Variants in ERBB4 observed in about 807,000 individuals in gnomAD.
ERBB4 encodes the protein receptor tyrosine-protein kinase erbB-4.
ERBB4 carries 42 observed loss-of-function variants against 158.0 expected under a neutral mutation model. The observed-to-expected ratio is 0.27, with a 90% confidence interval of 0.21 to 0.34. The LOEUF (loss-of-function observed/expected upper bound fraction) is 0.34, where lower values mean the gene tolerates loss of function less well. Ranked by LOEUF, ERBB4 falls within the 10% of genes least tolerant of loss-of-function variation. The probability of loss-of-function intolerance (pLI) is 1.00; values close to 1 mark genes in which losing one functional copy is unlikely to be tolerated. For synonymous variants in ERBB4, 583 were observed against 558.7 expected (o/e 1.04, Z -0.61); for missense variants, 1,333 against 1,624.1 (o/e 0.82, Z 3.08).
chr2:212,100,142 T>C (rs1262853672), intron 2 of ERBB4, among the ~76,000 whole-genome samples: 2 of 152,218 alleles, frequency 1.3e-5, no homozygotes, highest in East Asian at 1.9e-4. Context: ...GCAGGATAAA[T>C]TGACCTCCTG....
intron 2 of ERBB4, among the ~76,000 whole-genome samples, chr2:211,958,244 G>A (rs1271496232): frequency 2.0e-5 from 3 of 152,056 alleles, no homozygotes; most frequent in Non-Finnish European, 4.4e-5. Context: ...TACTTATGAT[G>A]CTCTTAATAT....
chr2:211,820,230 G>A (rs1490097993), intron 3 of ERBB4, among the ~76,000 whole-genome samples: 1 of 151,892 alleles, frequency 6.6e-6, no homozygotes, highest in Non-Finnish European at 1.5e-5. Context: ...CTTAACAGCA[G>A]CAACAACTGA....
At chr2:211,833,843 T>C (rs2077277995) in intron 3 of ERBB4, among the ~76,000 whole-genome samples, 1 of 152,084 alleles carries the variant, frequency 6.6e-6, no homozygotes, top group Non-Finnish European at 1.5e-5. Flanking sequence ...TAAAGTATCC[T>C]TTTTAAAATG....
At chr2:211,646,673 T>C (rs1393195677) in intron 16 of ERBB4, among the ~76,000 whole-genome samples, 1 of 151,692 alleles carries the variant, frequency 6.6e-6, no homozygotes, top group Non-Finnish European at 1.5e-5. Flanking sequence ...TTGTTATATA[T>C]CAGCATTTTG....
chr2:211,650,114 G>T (rs2070929266), intron 16 of ERBB4, among the ~76,000 whole-genome samples: 1 of 151,798 alleles, frequency 6.6e-6, no homozygotes, highest in African/African-American at 2.4e-5. Context: ...TATTCCCCTA[G>T]TTAGATAGAA....
chr2:211,520,325 T>C (rs2066152649), intron 20 of ERBB4, among the ~76,000 whole-genome samples: 2 of 152,094 alleles, frequency 1.3e-5, no homozygotes, highest in Admixed American at 6.5e-5. Context: ...TTTTAATAAA[T>C]ATTTACAGTC....
At chr2:212,519,941 T>C (rs1294438770) in intron 1 of ERBB4, among the ~76,000 whole-genome samples, 4 of 151,990 alleles carry the variant, frequency 2.6e-5, no homozygotes, top group Non-Finnish European at 4.4e-5. Flanking sequence ...AAGAAAATGA[T>C]AAATGTTTGA....
At chr2:211,708,612 T>TTCTCTCTCTCTCTC (rs60948715) in intron 9 of ERBB4, among the ~76,000 whole-genome samples, 1 of 116,576 alleles carries the variant, frequency 8.6e-6, no homozygotes, top group Non-Finnish European at 2.0e-5. Context: ...GTTTCCATCC[T>TTCTCTCTCTCTCTC]TCTCTCTCTC....
intron 15 of ERBB4, among the ~76,000 whole-genome samples, chr2:211,665,027 C>T (rs1411134753): frequency 6.6e-6 from 1 of 152,172 alleles, no homozygotes; most frequent in African/African-American, 2.4e-5. Flanking sequence ...GATCTTGAAT[C>T]TCCAATATAA....
At chr2:212,474,822 C>CCTTTTTTTTTTTTT (rs1689295723) in intron 1 of ERBB4, among the ~76,000 whole-genome samples, 1 of 94,412 alleles carries the variant, frequency 1.1e-5, no homozygotes, top group African/African-American at 6.1e-5. Context: ...CCCGGCCATT[C>CCTTTTTTTTTTTTT]TTTTTTTTTT....
chr2:211,640,653 G>A (rs369817442), intron 16 of ERBB4, among the ~76,000 whole-genome samples: 29 of 152,058 alleles, frequency 1.9e-4, no homozygotes, highest in East Asian at 1.5e-3. Flanking sequence ...ATAATTATGC[G>A]GTTATATTAG....
intron 5 of ERBB4, among the ~76,000 whole-genome samples, chr2:211,748,836 A>C (rs2075046550): frequency 6.6e-6 from 1 of 152,194 alleles, no homozygotes; most frequent in South Asian, 2.1e-4. Context: ...TTTCCACTTC[A>C]TCACAAACTG....
chr2:211,668,276 A>G (rs1285918488), intron 14 of ERBB4, among the ~76,000 whole-genome samples: 1 of 152,222 alleles, frequency 6.6e-6, no homozygotes, highest in Non-Finnish European at 1.5e-5. Flanking sequence ...TTATCATGAT[A>G]GAAAACCTAA....
chr2:212,510,121 AAAGGT>A (rs1691426309), intron 1 of ERBB4, among the ~76,000 whole-genome samples: 1 of 149,282 alleles, frequency 6.7e-6, no homozygotes, highest in Admixed American at 6.7e-5. Context: ...CATGACACAG[AAAGGT>A]AAGATGTGTG....
At chr2:212,336,819 C>T (rs2088464412) in intron 1 of ERBB4, among the ~76,000 whole-genome samples, 1 of 103,426 alleles carries the variant, frequency 9.7e-6, no homozygotes, top group Admixed American at 1.1e-4. Context: ...AGGTCAGACA[C>T]TTCTACTTGT....
Position 211,934,333 on chromosome 2 carries a change from C to T in ERBB4, c.421+13097G>A, listed in dbSNP as rs2080255133. Among the ~76,000 whole-genome samples the T allele has an allele frequency of 2.6e-5, 4 of 151,952 alleles. No individual in the cohort carries two copies. The South Asian group carries it at 8.3e-4, about 32-fold the overall frequency. Reference sequence around the variant, plus strand: ...TATTTCAAAATGGTATATATTTATACCAGTTGCCAACTAGGGAGTAATTTT... The same window carrying T: ...TATTTCAAAATGGTATATATTTATATCAGTTGCCAACTAGGGAGTAATTTT... On this transcript the variant is annotated intron_variant, in intron 3 of 27. Coordinates refer to ENST00000342788, the MANE Select transcript of ERBB4 (RefSeq NM_005235.3).
chr2:212,231,132 C>T (rs747355729), intron 1 of ERBB4, among the ~76,000 whole-genome samples: 3 of 151,970 alleles, frequency 2.0e-5, no homozygotes, highest in Non-Finnish European at 4.4e-5. Flanking sequence ...AAAGTAACTA[C>T]TTTGTTGTTT....
At chr2:212,058,626 C>T (rs2077658326) in intron 2 of ERBB4, among the ~76,000 whole-genome samples, 1 of 152,176 alleles carries the variant, frequency 6.6e-6, no homozygotes, top group Admixed American at 6.5e-5. Flanking sequence ...GAATGCAAGG[C>T]TGGTTCAACA....
chr2:211,442,818 A>G (rs1433577575), intron 20 of ERBB4, among the ~76,000 whole-genome samples: 1 of 152,044 alleles, frequency 6.6e-6, no homozygotes, highest in East Asian at 1.9e-4. Context: ...AAACACTAAA[A>G]TGAGTAATGG....
Sources: allele counts gnomAD v4.1 joint callset (sites outside exome capture counted in the v4.1 genomes callset), GRCh38; gene constraint gnomAD v4.1.1; transcripts MANE v1.5; gene names NCBI Gene and HGNC (gene_info 2026-07-23, HGNC 2026-07-21).